The following STK32C variants were observed in gnomAD, a reference collection of about 807,000 sequenced individuals.
STK32C encodes the protein serine/threonine-protein kinase 32C.
STK32C carries 31 observed loss-of-function variants against 56.5 expected under a neutral mutation model. The observed-to-expected ratio is 0.55, with a 90% CI of 0.41 to 0.74. The LOEUF (loss-of-function observed/expected upper bound fraction) is 0.74. Ranked by LOEUF, STK32C falls within the 30% of genes least tolerant of loss-of-function variation. STK32C has a pLI of 0.00. For synonymous variants in STK32C, 309 were observed against 289.4 expected (o/e 1.07, Z -0.69); for missense variants, 544 against 676.9 (o/e 0.80, Z 2.18).
chr10:132,246,473 C>T (rs548106760), intron 1 of STK32C, among the ~76,000 whole-genome samples: 9 of 152,340 alleles, frequency 5.9e-5, no homozygotes, highest in African/African-American at 1.7e-4. Context: ...AGTCTGCAAA[C>T]GGCCCCAAGA....
rs759334059 is a variant in STK32C at position 132,225,620 on chromosome 10, T to A, written c.683-4A>T. ...AAGTCGGTCAGGTGTGCATGTCCTGTGCAGAGAGGGGTCAGGTGTGGCTGT... is the reference window on the plus strand; with the variant it reads ...AAGTCGGTCAGGTGTGCATGTCCTGAGCAGAGAGGGGTCAGGTGTGGCTGT... On this transcript the variant is annotated splice_region_variant and splice_polypyrimidine_tract_variant and intron_variant, in intron 5 of 11. Transcript: ENST00000298630. 6.1e-5 allele frequency: 99 copies of A among 1,610,958 alleles called. No homozygotes were observed. Among genetic ancestry groups the A allele is most frequent in the Non-Finnish European group, 8.3e-5 (98 of 1,177,846 alleles).
At chr10:132,213,417 T>TGAG (rs1453123775) in intron 10 of STK32C, among the ~76,000 whole-genome samples, 1 of 152,174 alleles carries the variant, frequency 6.6e-6, no homozygotes, top group African/African-American at 2.4e-5. Flanking sequence ...AGACTCTCTC[T>TGAG]GAGGAGGAGG....
At position 132,324,102 on chromosome 10, in the gene STK32C, A is replaced by G. The variant is rs937982801; in HGVS notation, c.*132T>C. ...ACCTGGACCAAATTTCCAGCATATG[A>G]ATTCCAGGGACCCACTCCAATCACA... On this transcript the variant is annotated 3_prime_UTR_variant, in exon 2 of 2. Coordinates refer to the STK32C transcript ENST00000368619. The G allele has an allele frequency of 8.0e-6, 5 of 627,046 alleles. No individual in the cohort carries two copies. The Admixed American group carries it at 8.3e-5, about 10-fold the overall frequency. The allele number at this position is 627,046 out of a possible 1,614,324, so 38.8% of individuals were successfully genotyped here. A position where few individuals can be genotyped will look rare whatever the true frequency, so the allele number is the denominator to read the frequency against.
chr10:132,215,263 G>A (rs4880348), intron 10 of STK32C, among the ~76,000 whole-genome samples: 58,159 of 151,870 alleles, frequency 0.38, 13,621 homozygotes, highest in Admixed American at 0.52. Flanking sequence ...ATCCTCTCAC[G>A]TCACTGGAAC....
chr10:132,250,237 C>T (rs1301169445), intron 1 of STK32C, among the ~76,000 whole-genome samples: 2 of 152,240 alleles, frequency 1.3e-5, no homozygotes, highest in East Asian at 1.9e-4. Flanking sequence ...GTGAGGCGCC[C>T]GGGACAGGTC....
intron 10 of STK32C, among the ~76,000 whole-genome samples, chr10:132,214,349 G>C (rs1435115657): frequency 6.6e-6 from 1 of 152,194 alleles, no homozygotes; most frequent in African/African-American, 2.4e-5. Flanking sequence ...AGCAAGAAGA[G>C]AGCGGAGTGA....
chr10:132,252,798 T>G (rs1478075496), intron 1 of STK32C, among the ~76,000 whole-genome samples: 1 of 152,222 alleles, frequency 6.6e-6, no homozygotes, highest in Non-Finnish European at 1.5e-5. Context: ...GCTTTTATTT[T>G]TTTGGTGTTG....
intron 1 of STK32C, among the ~76,000 whole-genome samples, chr10:132,296,435 C>T (rs1019782181): frequency 3.9e-5 from 6 of 151,962 alleles, no homozygotes; most frequent in Admixed American, 6.6e-5. Flanking sequence ...CAGACGGTGA[C>T]GTAAGGGGAA....
intron 1 of STK32C, among the ~76,000 whole-genome samples, chr10:132,260,049 G>T (rs1049652855): frequency 1.3e-5 from 2 of 150,592 alleles, no homozygotes; most frequent in Non-Finnish European, 3.0e-5. Flanking sequence ...ACAAATGCAC[G>T]CTGTGTAAAG....
chr10:132,236,014 G>C (rs2137819565), intron 2 of STK32C, among the ~76,000 whole-genome samples: 1 of 152,330 alleles, frequency 6.6e-6, no homozygotes, highest in South Asian at 2.1e-4. Context: ...AACAGGATTG[G>C]TGTCGCGTCG....
In STK32C at chr10:132,227,839, G is replaced by T. The variant is rs2062947467; in HGVS notation, c.470+138C>A. Reference sequence around the variant, plus strand: ...ACAGGAAGGGGGATAGATGAGGAGGGCTAGAGAGGGCCTGTGGGTGGCAGA... The same window carrying T: ...ACAGGAAGGGGGATAGATGAGGAGGTCTAGAGAGGGCCTGTGGGTGGCAGA... On this transcript the variant is annotated intron_variant, in intron 3 of 11. Transcript: ENST00000298630. The T allele has an allele frequency of 4.5e-6, 5 of 1,109,136 alleles. No homozygotes were observed. In the South Asian group the frequency reaches 7.5e-5, roughly 17 times the overall value. 68.7% of individuals were successfully genotyped at this position (1,109,136 alleles called of 1,614,324 possible).
At chr10:132,209,463 A>G (rs929271312) in intron 10 of STK32C, 2 of 438,400 alleles carry the variant, frequency 4.6e-6, no homozygotes, top group Non-Finnish European at 8.9e-6. Context: ...CCAGCCCCTC[A>G]TCACAGCACA....
At chr10:132,241,759 C>T (rs2063508941) in intron 2 of STK32C, among the ~76,000 whole-genome samples, 1 of 152,164 alleles carries the variant, frequency 6.6e-6, no homozygotes, top group Non-Finnish European at 1.5e-5. Flanking sequence ...GAGGCCTGCA[C>T]CCTCGACGGG....
intron 1 of STK32C, among the ~76,000 whole-genome samples, chr10:132,288,539 C>A (rs543496825): frequency 6.6e-6 from 1 of 152,296 alleles, no homozygotes; most frequent in East Asian, 1.9e-4. Context: ...ATCTTTATTG[C>A]AGTAGTGGTT....
At chr10:132,282,274 C>T (rs950620475) in intron 1 of STK32C, among the ~76,000 whole-genome samples, 50 of 152,388 alleles carry the variant, frequency 3.3e-4, no homozygotes, top group Middle Eastern at 3.4e-3. Context: ...CCCTGCCACA[C>T]GCCCTGCCAG....
At chr10:132,215,270 G>A (rs963741075) in intron 10 of STK32C, among the ~76,000 whole-genome samples, 1 of 152,050 alleles carries the variant, frequency 6.6e-6, no homozygotes, top group African/African-American at 2.4e-5. Flanking sequence ...CACGTCACTG[G>A]AACTACAGGC....
chr10:132,306,497 T>C (rs1056939318), intron 1 of STK32C, among the ~76,000 whole-genome samples: 1 of 152,216 alleles, frequency 6.6e-6, no homozygotes, highest in African/African-American at 2.4e-5. Context: ...GAATCCCCGG[T>C]GCCGTCTCCC....
At chr10:132,228,168 G>T (rs201883165) in intron 2 of STK32C, 40 bp from the exon 3 acceptor site, 2 of 1,613,026 alleles carry the variant, frequency 1.2e-6, no homozygotes, top group Non-Finnish European at 1.7e-6. Context: ...GCCTGAGGAC[G>T]CCTGGGGACA....
intron 1 of STK32C, among the ~76,000 whole-genome samples, chr10:132,264,042 G>A (rs2064406149): frequency 6.6e-6 from 1 of 152,174 alleles, no homozygotes; most frequent in African/African-American, 2.4e-5. Flanking sequence ...CCACGACCCA[G>A]GGACAGAAGG....
Sources: gnomAD v4.1 joint callset for allele counts (sites outside exome capture counted in the v4.1 genomes callset) on GRCh38, gnomAD v4.1.1 for gene constraint, MANE v1.5 for transcripts, NCBI Gene and HGNC (gene_info 2026-07-23, HGNC 2026-07-21) for gene names.